Variants in MGAT4C observed in about 807,000 individuals in gnomAD.
MGAT4C encodes MGAT4 family member C.
MGAT4C carries 19 observed loss-of-function variants against 40.1 expected under a neutral mutation model. The observed-to-expected ratio is 0.47, with a 90% confidence interval of 0.33 to 0.70. The LOEUF (loss-of-function observed/expected upper bound fraction) is 0.70, where lower values mean the gene tolerates loss of function less well. MGAT4C is among the 30% of genes least tolerant of loss of function. The probability of loss-of-function intolerance (pLI) is 0.02; values close to 1 mark genes in which losing one functional copy is unlikely to be tolerated. For synonymous variants in MGAT4C, 181 were observed against 187.1 expected (o/e 0.97, Z 0.27); for missense variants, 491 against 563.2 (o/e 0.87, Z 1.30).
chr12:86,231,479 G>C (rs1951322292), intron 1 of MGAT4C, among the ~76,000 whole-genome samples: 1 of 152,060 alleles, frequency 6.6e-6, no homozygotes, highest in East Asian at 1.9e-4. Flanking sequence ...AAGGCAGAGG[G>C]TTTAATTAAT....
chr12:86,592,478 T>A (rs182524101), intron 2 of MGAT4C, among the ~76,000 whole-genome samples: 132 of 152,114 alleles, frequency 8.7e-4, no homozygotes, highest in African/African-American at 2.8e-3. Context: ...TCACATTTTT[T>A]AAAAAAAAGT....
chr12:86,531,389 C>T (rs1306454405), intron 2 of MGAT4C, among the ~76,000 whole-genome samples: 2 of 152,004 alleles, frequency 1.3e-5, no homozygotes, highest in African/African-American at 2.4e-5. Context: ...ATGAATATCA[C>T]ATCAATGCAC....
intron 3 of MGAT4C, among the ~76,000 whole-genome samples, chr12:86,384,170 A>G (rs1255246711): frequency 6.6e-6 from 1 of 152,016 alleles, no homozygotes; most frequent in Non-Finnish European, 1.5e-5. Flanking sequence ...CATTTAATCT[A>G]TTTCTTTTGT....
intron 1 of MGAT4C, among the ~76,000 whole-genome samples, chr12:86,791,178 G>T (rs887431284): frequency 1.3e-5 from 2 of 152,048 alleles, no homozygotes; most frequent in Admixed American, 6.6e-5. Context: ...ATATGACCAA[G>T]ACCACAGATG....
intron 2 of MGAT4C, among the ~76,000 whole-genome samples, chr12:86,647,427 G>A (rs1054667818): frequency 2.0e-5 from 3 of 151,844 alleles, no homozygotes; most frequent in East Asian, 1.9e-4. Context: ...CACAGTTTCA[G>A]GTGTTTATGT....
At chr12:86,620,945 C>T (rs1438319934) in intron 2 of MGAT4C, among the ~76,000 whole-genome samples, 2 of 152,014 alleles carry the variant, frequency 1.3e-5, no homozygotes, top group Non-Finnish European at 2.9e-5. Flanking sequence ...CTAAGGCTTC[C>T]CCAGAAGCAA....
intron 1 of MGAT4C, among the ~76,000 whole-genome samples, chr12:86,152,655 A>G (rs1050983915): frequency 2.6e-5 from 4 of 152,202 alleles, no homozygotes; most frequent in Non-Finnish European, 4.4e-5. Context: ...TCATAGAGAA[A>G]TCTATCTTTT....
At chr12:86,245,121 A>C (rs1314022184) in intron 1 of MGAT4C, among the ~76,000 whole-genome samples, 1 of 152,184 alleles carries the variant, frequency 6.6e-6, no homozygotes, top group Non-Finnish European at 1.5e-5. Context: ...AACTAAAAAA[A>C]ATACACCAAA....
At chr12:86,683,095 G>A (rs1950010104) in intron 2 of MGAT4C, among the ~76,000 whole-genome samples, 3 of 152,092 alleles carry the variant, frequency 2.0e-5, no homozygotes, top group Admixed American at 2.0e-4. Flanking sequence ...GGCACTGCTA[G>A]CTTTGTGACT....
intron 2 of MGAT4C, among the ~76,000 whole-genome samples, chr12:86,657,550 A>G (rs979480014): frequency 6.6e-6 from 1 of 151,974 alleles, no homozygotes. Context: ...TATAGCATTC[A>G]AAAGTAACAG....
chr12:86,774,613 G>A (rs1951721461), intron 1 of MGAT4C, among the ~76,000 whole-genome samples: 1 of 151,952 alleles, frequency 6.6e-6, no homozygotes, highest in Non-Finnish European at 1.5e-5. Flanking sequence ...GTTTGCATCA[G>A]TGCAGTTTGT....
At chr12:86,181,118 GT>G (rs1306713418) in intron 1 of MGAT4C, among the ~76,000 whole-genome samples, 15 of 152,180 alleles carry the variant, frequency 9.9e-5, no homozygotes, top group Non-Finnish European at 1.9e-4. Context: ...AGTTAATCAG[GT>G]GTTTCCACGT....
At chr12:86,301,833 G>A (rs1396765527) in intron 4 of MGAT4C, among the ~76,000 whole-genome samples, 3 of 152,122 alleles carry the variant, frequency 2.0e-5, no homozygotes, top group African/African-American at 4.8e-5. Flanking sequence ...GTGCACTGAT[G>A]CAATTTTGCA....
chr12:85,991,238 C>T (rs1885891553), intron 2 of MGAT4C, among the ~76,000 whole-genome samples: 1 of 152,182 alleles, frequency 6.6e-6, no homozygotes, highest in South Asian at 2.1e-4. Flanking sequence ...CTCCTCTCTG[C>T]AGGTGGCCAC....
At chr12:86,112,063 A>G (rs940883694) in intron 1 of MGAT4C, among the ~76,000 whole-genome samples, 1 of 151,872 alleles carries the variant, frequency 6.6e-6, no homozygotes, top group African/African-American at 2.4e-5. Context: ...CTGTGGGAGC[A>G]AGTAAGTATA....
At chr12:86,088,883 T>A (rs1409021543) in intron 1 of MGAT4C, among the ~76,000 whole-genome samples, 1 of 151,958 alleles carries the variant, frequency 6.6e-6, no homozygotes, top group African/African-American at 2.4e-5. Context: ...GTCTTTTTCT[T>A]TTATGGCTTA....
rs1254388648 is a variant in MGAT4C, at chr12:86,603,491, T to G, written c.-229+123718A>C. On this transcript the variant is annotated intron_variant, in intron 2 of 7. Transcript: ENST00000548651. The stretch of plus-strand genomic sequence containing the variant: ...TACTATATATAGTCTATAGACTATA[T>G]AATATATACTATATATAGTCTATAG... Among the ~76,000 whole-genome samples, 7 of 94,550 alleles carry G rather than the reference T, an allele frequency of 7.4e-5. No homozygotes were observed. The East Asian group carries it at 1.2e-3, about 16-fold the overall frequency. 62.0% of individuals were successfully genotyped at this position (94,550 alleles called of 152,430 possible).
chr12:86,497,335 T>C (rs995025756), intron 2 of MGAT4C, among the ~76,000 whole-genome samples: 3 of 152,012 alleles, frequency 2.0e-5, no homozygotes, highest in South Asian at 2.1e-4. Flanking sequence ...AGCAGCGTTT[T>C]TGATGCTTTG....
chr12:86,759,703 G>T (rs970714663), intron 1 of MGAT4C, among the ~76,000 whole-genome samples: 13 of 151,926 alleles, frequency 8.6e-5, no homozygotes, highest in Non-Finnish European at 1.5e-4. Flanking sequence ...TGTCTATTCA[G>T]GTATTTTGCT....
Sources: allele counts gnomAD v4.1 joint callset (sites outside exome capture counted in the v4.1 genomes callset), GRCh38; gene constraint gnomAD v4.1.1; transcripts MANE v1.5; gene names NCBI Gene and HGNC (gene_info 2026-07-23, HGNC 2026-07-21).